The following WDR27 variants were observed in gnomAD, a reference collection of about 807,000 sequenced individuals.
The protein encoded by WDR27 is WD repeat domain 27.
A neutral mutation model predicts 114.4 loss-of-function variants in WDR27; 100 were observed. That is an observed-to-expected ratio of 0.87 (90% CI 0.74 to 1.03). The LOEUF is 1.03. WDR27 is among the 50% of genes least tolerant of loss of function. The pLI, the probability that WDR27 is intolerant of heterozygous loss-of-function variation, is 0.00. For missense variants in WDR27, 1,129 were observed against 1,092.9 expected, an observed-to-expected ratio of 1.03 and a Z score of -0.47; for synonymous variants, 449 against 423.1, an observed-to-expected ratio of 1.06 and a Z score of -0.75.
intron 2 of WDR27, among the ~76,000 whole-genome samples, chr6:169,678,609 T>C (rs933289370): frequency 3.3e-5 from 5 of 152,026 alleles, no homozygotes; most frequent in Admixed American, 1.3e-4. Context: ...AAGCTCTGAT[T>C]TTTTTTTATC....
intron 25 of WDR27, among the ~76,000 whole-genome samples, chr6:169,518,123 C>T (rs967272798): frequency 6.6e-6 from 1 of 152,214 alleles, no homozygotes; most frequent in Non-Finnish European, 1.5e-5. Context: ...GACCCAATGG[C>T]TGCTCTCACA....
intron 21 of WDR27, among the ~76,000 whole-genome samples, chr6:169,625,225 T>C (rs934315544): frequency 2.0e-5 from 3 of 152,218 alleles, no homozygotes; most frequent in Non-Finnish European, 4.4e-5. Context: ...CTGCCAGGAC[T>C]GGGCTTGGAC....
chr6:169,434,567 T>C, the WDR27 span, among the ~76,000 whole-genome samples: 3 of 152,116 alleles, frequency 2.0e-5, no homozygotes, highest in African/African-American at 7.2e-5. Context: ...TTAAAGTACT[T>C]TTTTTTTCTG....
intron 25 of WDR27, among the ~76,000 whole-genome samples, chr6:169,482,194 A>T (rs1329898615): frequency 1.3e-5 from 2 of 152,138 alleles, no homozygotes; most frequent in Non-Finnish European, 2.9e-5. Context: ...TACCCAGTCT[A>T]TTGCCGGTAT....
chr6:169,449,792 A>G, the WDR27 span, among the ~76,000 whole-genome samples: 2 of 152,098 alleles, frequency 1.3e-5, no homozygotes, highest in Admixed American at 1.3e-4. Flanking sequence ...TGCAGGGAAC[A>G]CAGTCACACC....
chr6:169,441,550 G>A, the WDR27 span, among the ~76,000 whole-genome samples: 1 of 152,104 alleles, frequency 6.6e-6, no homozygotes, highest in African/African-American at 2.4e-5. Flanking sequence ...CAGTTACCCA[G>A]CGACAATCTC....
At chr6:169,698,111 A>G (rs1308588284) in intron 1 of WDR27, among the ~76,000 whole-genome samples, 4 of 152,198 alleles carry the variant, frequency 2.6e-5, no homozygotes, top group Non-Finnish European at 5.9e-5. Context: ...GTCAGGACAC[A>G]TAAGCCACCT....
At chr6:169,486,682 G>A (rs1432754974) in intron 25 of WDR27, among the ~76,000 whole-genome samples, 2 of 152,078 alleles carry the variant, frequency 1.3e-5, no homozygotes, top group African/African-American at 2.4e-5. Flanking sequence ...AGTAGAGACG[G>A]GATTTCGCCA....
intron 25 of WDR27, among the ~76,000 whole-genome samples, chr6:169,481,466 G>A (rs937837809): frequency 1.3e-5 from 2 of 152,230 alleles, no homozygotes; most frequent in Non-Finnish European, 2.9e-5. Context: ...CTTCCACGCT[G>A]TGGAAACCTT....
chr6:169,644,458 A>C (rs1245818776), intron 16 of WDR27, among the ~76,000 whole-genome samples: 1 of 151,764 alleles, frequency 6.6e-6, no homozygotes, highest in African/African-American at 2.4e-5. Flanking sequence ...AGTTCACAGG[A>C]GTCACACTGT....
intron 25 of WDR27, among the ~76,000 whole-genome samples, chr6:169,497,865 T>C (rs1480847982): frequency 1.3e-5 from 2 of 152,112 alleles, no homozygotes; most frequent in Non-Finnish European, 2.9e-5. Context: ...AAATTAAAAA[T>C]AGAATTATCC....
chr6:169,502,339 G>A (rs1791394721), intron 25 of WDR27, among the ~76,000 whole-genome samples: 1 of 152,224 alleles, frequency 6.6e-6, no homozygotes, highest in Admixed American at 6.5e-5. Context: ...AGGGCGATGT[G>A]GCGTTCCGTA....
At chr6:169,573,798 G>A (rs1801829002) in intron 24 of WDR27, among the ~76,000 whole-genome samples, 1 of 152,204 alleles carries the variant, frequency 6.6e-6, no homozygotes, top group South Asian at 2.1e-4. Flanking sequence ...TGTGTGAACA[G>A]TAGGCTCCCT....
At chr6:169,685,203 AG>A (rs1401976102) in intron 2 of WDR27, among the ~76,000 whole-genome samples, 3 of 152,200 alleles carry the variant, frequency 2.0e-5, no homozygotes, top group Non-Finnish European at 2.9e-5. Context: ...TATAATTGGA[AG>A]GTGCAACTTT....
chr6:169,646,541 G>C (rs1450395282), intron 16 of WDR27, among the ~76,000 whole-genome samples: 1 of 152,136 alleles, frequency 6.6e-6, no homozygotes, highest in East Asian at 1.9e-4. Flanking sequence ...GACGTCAGGA[G>C]TTTTGAGGCC....
chr6:169,608,548 G>A (rs977655650), intron 22 of WDR27, among the ~76,000 whole-genome samples: 8 of 152,040 alleles, frequency 5.3e-5, no homozygotes, highest in Admixed American at 1.3e-4. Context: ...TAAAACCATC[G>A]GATCTCATGA....
At chr6:169,630,722 C>T (rs954780939) in intron 21 of WDR27, among the ~76,000 whole-genome samples, 4 of 152,136 alleles carry the variant, frequency 2.6e-5, no homozygotes, top group Admixed American at 6.5e-5. Context: ...GGTGAAACTC[C>T]ATCTCTACTA....
At chr6:169,451,423 G>C in the WDR27 span, among the ~76,000 whole-genome samples, 1 of 152,154 alleles carries the variant, frequency 6.6e-6, no homozygotes, top group Non-Finnish European at 1.5e-5. Context: ...CTGAGGCTGT[G>C]TCACGGCACG....
intron 25 of WDR27, among the ~76,000 whole-genome samples, chr6:169,465,047 T>C (rs1169837511): frequency 1.3e-5 from 2 of 149,758 alleles, no homozygotes; most frequent in Non-Finnish European, 3.0e-5. Context: ...TCACCTGAGG[T>C]CAGGAGTTCA....
Sources: allele counts gnomAD v4.1 joint callset (sites outside exome capture counted in the v4.1 genomes callset), GRCh38; gene constraint gnomAD v4.1.1; transcripts MANE v1.5; gene names NCBI Gene and HGNC (gene_info 2026-07-23, HGNC 2026-07-21).